SGK1: variants seen among roughly 807,000 people sequenced by gnomAD.
SGK1 encodes the protein serine/threonine-protein kinase Sgk1.
A neutral mutation model predicts 64.2 loss-of-function variants in SGK1; 26 were observed. The ratio of observed to expected loss-of-function variants is 0.40; its 90% CI spans 0.30 to 0.56. SGK1 has a LOEUF of 0.56. SGK1 is among the 20% of genes least tolerant of loss of function. SGK1 has a pLI of 0.38. For missense variants in SGK1, 519 were observed against 645.6 expected, an observed-to-expected ratio of 0.80 and a Z score of 2.12; for synonymous variants, 265 against 239.7, an observed-to-expected ratio of 1.11 and a Z score of -0.98.
At chr6:134,175,263 G>A (rs986459520) in intron 3 of SGK1, among the ~76,000 whole-genome samples, 17 of 152,194 alleles carry the variant, frequency 1.1e-4, no homozygotes, top group Non-Finnish European at 2.2e-4. Context: ...CGGCGGCCAC[G>A]GTGGCTTCGC....
intron 1 of SGK1, among the ~76,000 whole-genome samples, chr6:134,264,651 T>TATTATTA (rs1562268666): frequency 7.2e-6 from 1 of 139,138 alleles, no homozygotes; most frequent in African/African-American, 2.8e-5. Flanking sequence ...TTATTTTTGT[T>TATTATTA]GTTGTTGTTG....
intron 1 of SGK1, among the ~76,000 whole-genome samples, chr6:134,300,098 C>T (rs1777425043): frequency 6.6e-6 from 1 of 152,118 alleles, no homozygotes; most frequent in South Asian, 2.1e-4. Context: ...CTCTCAATGC[C>T]TTCTTCCCTC....
chr6:134,297,625 C>T, intron 1 of SGK1: 1 of 448,666 alleles, frequency 2.2e-6, no homozygotes, highest in South Asian at 1.9e-5. Context: ...GCCTCAGTCT[C>T]CTGAGTAGCT....
chr6:134,229,420 C>G (rs1303185294), intron 2 of SGK1, among the ~76,000 whole-genome samples: 2 of 152,208 alleles, frequency 1.3e-5, no homozygotes, highest in East Asian at 3.8e-4. Flanking sequence ...CAGTTTATTA[C>G]TTAAACAGCT....
At chr6:134,269,399 A>C (rs1170268199) in intron 1 of SGK1, among the ~76,000 whole-genome samples, 1 of 147,548 alleles carries the variant, frequency 6.8e-6, no homozygotes, top group Non-Finnish European at 1.5e-5. Flanking sequence ...AGATTATAAA[A>C]AGGGAGGCCA....
chr6:134,243,317 CA>C (rs914178044), intron 2 of SGK1, among the ~76,000 whole-genome samples: 3 of 151,916 alleles, frequency 2.0e-5, no homozygotes, highest in Non-Finnish European at 2.9e-5. Context: ...CCTTTGGAAA[CA>C]TTTTCATTGT....
intron 2 of SGK1, among the ~76,000 whole-genome samples, chr6:134,212,833 A>G (rs180764976): frequency 2.6e-5 from 4 of 152,332 alleles, no homozygotes; most frequent in Admixed American, 6.5e-5. Flanking sequence ...GAAAATTGCC[A>G]TATGCGAGCT....
intron 2 of SGK1, among the ~76,000 whole-genome samples, chr6:134,232,434 A>AGAAAGAAG (rs1776298865): frequency 3.9e-5 from 2 of 51,068 alleles, no homozygotes; most frequent in Non-Finnish European, 9.5e-5. Context: ...AAAGAAAGAA[A>AGAAAGAAG]GAAAGAAAGA....
chr6:134,245,939 T>G (rs1009625128), intron 2 of SGK1, among the ~76,000 whole-genome samples: 1 of 152,248 alleles, frequency 6.6e-6, no homozygotes, highest in Non-Finnish European at 1.5e-5. Context: ...CAAGCTCATC[T>G]AATGATGTAG....
At chr6:134,265,755 T>A (rs2114753474) in intron 1 of SGK1, among the ~76,000 whole-genome samples, 1 of 149,708 alleles carries the variant, frequency 6.7e-6, no homozygotes, top group African/African-American at 2.4e-5. Flanking sequence ...TCTTCGTACT[T>A]TAACTTTTAA....
At chr6:134,174,674 A>C (rs756976964) in intron 3 of SGK1, 88 bp from the exon 4 acceptor site, 2 of 1,612,478 alleles carry the variant, frequency 1.2e-6, no homozygotes, top group African/African-American at 2.7e-5. Flanking sequence ...CGGGACTTTC[A>C]AAAAATTTCC....
intron 1 of SGK1, among the ~76,000 whole-genome samples, chr6:134,307,458 G>A (rs941641187): frequency 6.6e-5 from 10 of 152,126 alleles, no homozygotes; most frequent in African/African-American, 2.4e-4. Flanking sequence ...CAGTCTCTGC[G>A]GGGGATTGAT....
At chr6:134,281,917 G>C (rs1777100010) in intron 1 of SGK1, among the ~76,000 whole-genome samples, 1 of 152,160 alleles carries the variant, frequency 6.6e-6, no homozygotes, top group African/African-American at 2.4e-5. Context: ...GTTTGCATTT[G>C]AGCCATGATA....
intron 1 of SGK1, among the ~76,000 whole-genome samples, chr6:134,289,356 T>C (rs890316366): frequency 6.6e-6 from 1 of 152,212 alleles, no homozygotes; most frequent in East Asian, 1.9e-4. Flanking sequence ...CCCTGGGGGA[T>C]AAACAGATGA....
At chr6:134,269,944 G>T (rs1373574819) in intron 1 of SGK1, among the ~76,000 whole-genome samples, 1 of 144,996 alleles carries the variant, frequency 6.9e-6, no homozygotes, top group Non-Finnish European at 1.5e-5. Flanking sequence ...TTTTTGAGAC[G>T]GAGTTGTACT....
chr6:134,183,210 C>T (rs1401030266), intron 3 of SGK1, among the ~76,000 whole-genome samples: 2 of 152,118 alleles, frequency 1.3e-5, no homozygotes, highest in Non-Finnish European at 2.9e-5. Flanking sequence ...TTTGGGGTAA[C>T]ATGGTATTTT....
Position 134,171,177 on chromosome 6 carries a change from G to A in SGK1, c.1169C>T (p.Pro390Leu), listed in dbSNP as rs1010616694. ...AGCTGTGTTTCGGCTATAAAAAGGC[G>A]GCTGAAAGAAGGGGAAAATTACTTT... is the stretch of plus-strand genomic sequence containing the variant. Reference protein sequence around the residue: ...AVLYEMLYGLPPFYSRNTAEM... With the variant: ...AVLYEMLYGLLPFYSRNTAEM... The change falls in exon 12 of 14, where the codon CCG (proline) becomes CTG (leucine). Residue 390 changes from proline to leucine, a missense_variant and splice_region_variant. Pro to Leu is a moderately conservative substitution (Grantham distance 98). Around this residue, in one of 2 missense-constraint regions of SGK1, gnomAD observed 278 missense variants for 408.7 expected, o/e 0.68. Coordinates refer to ENST00000367858, the MANE Select transcript of SGK1 (RefSeq NM_001143676.3). The A allele has an allele frequency of 2.5e-6, 4 of 1,613,766 alleles. No individual in the cohort carries two copies. The highest frequency in any genetic ancestry group is 1.3e-5 in the African/African-American group (1 of 74,860).
At position 134,171,721 on chromosome 6, in the gene SGK1, A is replaced by G. The variant is rs1775031987; in HGVS notation, c.1083T>C (p.Pro361=). ...TFCGTPEYLA[P]EVLHKQPYDR... The stretch of plus-strand genomic sequence containing the variant: ...CATAAGGCTGCTTATGAAGCACCTC[A>G]GGTGCGAGATACTGAAAAACAGACC... Residue 361 remains proline (P), a synonymous_variant, in exon 11 of 14, where the codon CCT becomes CCC. Transcript: ENST00000367858. The G allele has an allele frequency of 1.2e-6, 2 of 1,612,034 alleles. No homozygotes were observed. Among genetic ancestry groups the G allele is most frequent in the Non-Finnish European group, 8.5e-7 (1 of 1,178,238 alleles).
At chr6:134,210,047 C>T (rs1191534086) in intron 2 of SGK1, among the ~76,000 whole-genome samples, 2 of 152,082 alleles carry the variant, frequency 1.3e-5, no homozygotes, top group Admixed American at 6.5e-5. Context: ...CTCTTGTGGA[C>T]CAGTATCAAA....
Sources: allele counts gnomAD v4.1 joint callset (sites outside exome capture counted in the v4.1 genomes callset), GRCh38; gene constraint gnomAD v4.1.1; regional missense constraint gnomAD v4.1.1; transcripts MANE v1.5; gene names NCBI Gene and HGNC (gene_info 2026-07-23, HGNC 2026-07-21).